Variants in GPC6 observed in about 807,000 individuals in gnomAD.
GPC6 encodes glypican 6, also known as glypican-6.
Under a neutral mutation model 55.2 loss-of-function variants are expected in GPC6, and 14 were observed. That is an observed-to-expected ratio of 0.25 (90% CI 0.17 to 0.40). The LOEUF is 0.40. GPC6 is among the 10% of genes least tolerant of loss of function. The pLI, the probability that GPC6 is intolerant of heterozygous loss-of-function variation, is 1.00. For synonymous variants in GPC6, 278 were observed against 259.6 expected (o/e 1.07, Z -0.68); for missense variants, 641 against 708.5 (o/e 0.90, Z 1.08).
chr13:93,414,596 T>C (rs922426671), intron 1 of GPC6, among the ~76,000 whole-genome samples: 1 of 152,126 alleles, frequency 6.6e-6, no homozygotes, highest in African/African-American at 2.4e-5. Context: ...GCGAGTAGTC[T>C]GAAGTAGCCA....
intron 1 of GPC6, among the ~76,000 whole-genome samples, chr13:93,357,068 G>A (rs533537252): frequency 9.2e-5 from 14 of 152,308 alleles, no homozygotes; most frequent in African/African-American, 3.1e-4. Flanking sequence ...TGCATTTGTA[G>A]TGTATAACCC....
chr13:94,232,986 C>CTTTT (rs67718119), intron 4 of GPC6, among the ~76,000 whole-genome samples: 1 of 80,630 alleles, frequency 1.2e-5, no homozygotes, highest in Non-Finnish European at 2.3e-5. Context: ...GGTTTTATAA[C>CTTTT]TTTTTTTTTT....
chr13:93,321,383 A>G (rs1044272198), intron 1 of GPC6, among the ~76,000 whole-genome samples: 1 of 152,066 alleles, frequency 6.6e-6, no homozygotes, highest in African/African-American at 2.4e-5. Context: ...AGGTAAAGGA[A>G]TGATTTCTCT....
intron 4 of GPC6, among the ~76,000 whole-genome samples, chr13:94,192,277 G>A (rs1889420377): frequency 6.6e-6 from 1 of 152,174 alleles, no homozygotes; most frequent in Admixed American, 6.5e-5. Flanking sequence ...AATCTATAAA[G>A]TATAGAAAGA....
chr13:93,572,820 CA>C (rs1281766277), intron 2 of GPC6, among the ~76,000 whole-genome samples: 1 of 152,018 alleles, frequency 6.6e-6, no homozygotes, highest in African/African-American at 2.4e-5. Context: ...ACTATGATCA[CA>C]AAAAAGTTTC....
At position 93,304,815 on chromosome 13, in the gene GPC6, G is replaced by A. The variant is rs7997493; in HGVS notation, c.160+77199G>A. ...GATATTTAGGGTTGGGGGATGAGGA[G>A]CTTGATGCTATGTTGAGAGTGGGTG... On this transcript the variant is annotated intron_variant, in intron 1 of 8. Coordinates refer to ENST00000377047, the MANE Select transcript of GPC6 (RefSeq NM_005708.5). Among the ~76,000 whole-genome samples, 383 of 152,228 alleles carry A rather than the reference G, an allele frequency of 2.5e-3. 4 individuals carry two copies. Among genetic ancestry groups the A allele is most frequent in the African/African-American group, 8.8e-3 (365 of 41,540 alleles).
chr13:93,846,293 C>T (rs1229860964), intron 3 of GPC6, among the ~76,000 whole-genome samples: 1 of 152,126 alleles, frequency 6.6e-6, no homozygotes, highest in Non-Finnish European at 1.5e-5. Flanking sequence ...CTTTTTACAC[C>T]TTGCCATTTA....
At chr13:93,561,690 C>T (rs997474290) in intron 2 of GPC6, among the ~76,000 whole-genome samples, 1 of 151,982 alleles carries the variant, frequency 6.6e-6, no homozygotes, top group Non-Finnish European at 1.5e-5. Flanking sequence ...CTCTAGTTTG[C>T]ATTCCCCCAA....
At chr13:94,246,683 A>G (rs1891205210) in intron 4 of GPC6, among the ~76,000 whole-genome samples, 1 of 151,682 alleles carries the variant, frequency 6.6e-6, no homozygotes, top group Non-Finnish European at 1.5e-5. Context: ...GTTTAAATTT[A>G]TTTCTGGTGT....
intron 2 of GPC6, among the ~76,000 whole-genome samples, chr13:93,671,508 G>A (rs1881354469): frequency 6.6e-6 from 1 of 151,988 alleles, no homozygotes; most frequent in Non-Finnish European, 1.5e-5. Flanking sequence ...GGGGTGTTTT[G>A]GCTTTGCTTG....
At chr13:93,308,081 G>A (rs916917133) in intron 1 of GPC6, among the ~76,000 whole-genome samples, 5 of 152,040 alleles carry the variant, frequency 3.3e-5, no homozygotes, top group African/African-American at 7.2e-5. Flanking sequence ...TCAGGAGATC[G>A]AGACCATCCT....
chr13:93,744,261 C>G (rs9561435), intron 2 of GPC6, among the ~76,000 whole-genome samples: 7,314 of 152,180 alleles, frequency 0.048, 378 homozygotes, highest in East Asian at 0.28. Flanking sequence ...TTTCTCATCA[C>G]TGTTTCTTCT....
rs150659705 is a variant in GPC6 at position 93,359,647 on chromosome 13, A to C, written c.160+132031A>C. On this transcript the variant is annotated intron_variant, in intron 1 of 8. Transcript: ENST00000377047. Reference sequence around the variant, plus strand: ...TTAAAATGCTTTTGAAACATGGAAAAGTTTTCTGAGGCTTTGGAAGTATGA... The same window carrying C: ...TTAAAATGCTTTTGAAACATGGAAACGTTTTCTGAGGCTTTGGAAGTATGA... Among the ~76,000 whole-genome samples the C allele has an allele frequency of 4.0e-3, 608 of 152,316 alleles. 4 individuals carry two copies. The highest frequency in any genetic ancestry group is 0.014 in the African/African-American group (589 of 41,576).
chr13:93,943,809 A>T (rs1878854591), intron 3 of GPC6, among the ~76,000 whole-genome samples: 1 of 152,192 alleles, frequency 6.6e-6, no homozygotes, highest in African/African-American at 2.4e-5. Flanking sequence ...TTTAAGGGTG[A>T]TTTAGAGGGA....
intron 6 of GPC6, among the ~76,000 whole-genome samples, chr13:94,312,252 G>T (rs1876285618): frequency 6.6e-6 from 1 of 152,086 alleles, no homozygotes; most frequent in Non-Finnish European, 1.5e-5. Flanking sequence ...GTAGGTCACT[G>T]GTGACAAACA....
chr13:94,007,238 T>A (rs188321995), intron 3 of GPC6, among the ~76,000 whole-genome samples: 1 of 152,320 alleles, frequency 6.6e-6, no homozygotes, highest in East Asian at 1.9e-4. Flanking sequence ...GATCACTCAT[T>A]AATTCATTGA....
At chr13:93,523,275 T>G (rs79164918) in intron 1 of GPC6, among the ~76,000 whole-genome samples, 8,518 of 150,526 alleles carry the variant, frequency 0.057, 793 homozygotes, top group African/African-American at 0.2. Context: ...TTGTGTATAT[T>G]TATATATGTG....
intron 1 of GPC6, among the ~76,000 whole-genome samples, chr13:93,376,963 A>G (rs1249794748): frequency 1.3e-5 from 2 of 152,204 alleles, no homozygotes; most frequent in Non-Finnish European, 2.9e-5. Flanking sequence ...TTAGAAGTGT[A>G]CTTGATTTTT....
At chr13:93,333,193 G>A (rs182071629) in intron 1 of GPC6, among the ~76,000 whole-genome samples, 34 of 152,196 alleles carry the variant, frequency 2.2e-4, no homozygotes, top group African/African-American at 7.9e-4. Context: ...TTATGATTCT[G>A]TATGCATTTT....
Sources: allele counts gnomAD v4.1 joint callset (sites outside exome capture counted in the v4.1 genomes callset), GRCh38; gene constraint gnomAD v4.1.1; transcripts MANE v1.5; gene names NCBI Gene and HGNC (gene_info 2026-07-23, HGNC 2026-07-21).